The following CD40 variants were observed in gnomAD, a reference collection of about 807,000 sequenced individuals.
CD40 encodes the protein CD40 molecule.
In CD40, 19 loss-of-function variants were observed where a neutral mutation model predicts 38.5. The ratio of observed to expected loss-of-function variants is 0.49; its 90% confidence interval spans 0.34 to 0.72. The LOEUF is 0.72. Ranked by LOEUF, CD40 falls within the 30% of genes least tolerant of loss-of-function variation. The pLI is 0.01. For synonymous variants in CD40, 130 were observed against 128.7 expected, an observed-to-expected ratio of 1.01 and a Z score of -0.07; for missense variants, 256 against 344.1, an observed-to-expected ratio of 0.74 and a Z score of 2.03.
intron 6 of CD40, among the ~76,000 whole-genome samples, chr20:46,127,669 C>T (rs552338521): frequency 9.8e-5 from 15 of 152,306 alleles, no homozygotes; most frequent in Middle Eastern, 3.4e-3. Context: ...AAAAAAAATT[C>T]GGCATGAGAA....
At chr20:46,123,928 A>T (rs906474029) in intron 5 of CD40, among the ~76,000 whole-genome samples, 3 of 152,234 alleles carry the variant, frequency 2.0e-5, no homozygotes, top group Non-Finnish European at 2.9e-5. Context: ...TGCATCGCAT[A>T]GCTTCATGCT....
Position 46,122,195 on chromosome 20 carries a change from T to A in CD40, c.131-38T>A. On this transcript the variant is annotated intron_variant, in intron 2 of 8. Transcript: ENST00000372285. This position sits in a 1 kb window ranked among gnomAD's most constrained non-coding sequence, Gnocchi z 5.0. The stretch of plus-strand genomic sequence containing the variant: ...TGTGGTTAGTGTCTGACTCATGGAG[T>A]TGGCCAGAGCCCTCCCTCATTTCCT... 1 of 1,613,634 alleles carries A rather than the reference T, an allele frequency of 6.2e-7. No homozygotes were observed. The highest frequency in any genetic ancestry group is 8.5e-7 in the Non-Finnish European group (1 of 1,179,590).
chr20:46,125,278 G>T (rs963344934), intron 5 of CD40, among the ~76,000 whole-genome samples: 1 of 151,666 alleles, frequency 6.6e-6, no homozygotes. Context: ...GGGCGTGGTG[G>T]CTCACACCTG....
At position 46,129,112 on chromosome 20, in the gene CD40, G is replaced by A. The variant is rs752657781; in HGVS notation, c.*72G>A. 9 of 1,555,348 alleles carry A rather than the reference G, an allele frequency of 5.8e-6. No individual in the cohort carries two copies. The highest frequency in any genetic ancestry group is 8.0e-6 in the Non-Finnish European group (9 of 1,130,570). On this transcript the variant is annotated 3_prime_UTR_variant, in exon 9 of 9. Transcript: ENST00000372285. ...GGCCAGAGAGCCTGGTGCTGCTGCT[G>A]CTGTGGCGTGAGGGTGAGGGGCTGG...
intron 5 of CD40, among the ~76,000 whole-genome samples, chr20:46,124,586 C>G (rs1001797227): frequency 6.6e-6 from 1 of 151,108 alleles, no homozygotes; most frequent in Non-Finnish European, 1.5e-5. Flanking sequence ...TGTTAACTGT[C>G]TGCCTTTCCC....
At chr20:46,128,477 G>A in intron 8 of CD40, 119 bp downstream of exon 8, 2 of 1,119,594 alleles carry the variant, frequency 1.8e-6, no homozygotes, top group Non-Finnish European at 1.3e-6. Flanking sequence ...TGGGGTGGCA[G>A]CAGAATTGGG....
chr20:46,119,466 T>C (rs1344026772), intron 1 of CD40, among the ~76,000 whole-genome samples: 1 of 151,636 alleles, frequency 6.6e-6, no homozygotes, highest in East Asian at 1.9e-4. Flanking sequence ...AGGGCGGAGC[T>C]GGAAAGAGGT....
chr20:46,122,625 T>C lies in CD40; in HGVS notation c.272T>C (p.Val91Ala), dbSNP rs750063104. 1.9e-6 allele frequency: 3 copies of C among 1,613,816 alleles called. No homozygotes were observed. In the South Asian group the frequency reaches 3.3e-5, roughly 18 times the overall value. The change falls in exon 4 of 9, where the codon GTC becomes GCC. Residue 91 changes from valine to alanine, a missense_variant. By Grantham distance (64) the Val-to-Ala change is moderately conservative (BLOSUM62 0). Transcript: ENST00000372285. The surrounding 1 kb of genome is among the most constrained non-coding windows in gnomAD (Gnocchi z 5.0). ...KYCDPNLGLR[V>A]QQKGTSETDT... ...CTCTTCTCAGACCTAGGGCTTCGGG[T>C]CCAGCAGAAGGGCACCTCAGAAACA... is the stretch of plus-strand genomic sequence containing the variant.
intron 7 of CD40, 27 bp from the exon 8 acceptor site, chr20:46,128,302 TC>T: frequency 6.6e-7 from 1 of 1,513,496 alleles, no homozygotes; most frequent in Non-Finnish European, 9.0e-7. Flanking sequence ...CAACTCCCCA[TC>T]CTTTTTTTTT....
chr20:46,125,962 C>A (rs1274856669), intron 5 of CD40, among the ~76,000 whole-genome samples: 1 of 152,238 alleles, frequency 6.6e-6, no homozygotes, highest in East Asian at 1.9e-4. Context: ...CTTAGCGGGA[C>A]TGCACTGCTG....
chr20:46,122,372 T>C lies in CD40; in HGVS notation c.256+14T>C, dbSNP rs763562583. 6.2e-7 allele frequency: 1 copy of C among 1,614,142 alleles called. No individual in the cohort carries two copies. The highest frequency in any genetic ancestry group is 1.7e-5 in the Admixed American group (1 of 60,030). ...ACTGCGACCCCAGTGCGTGCGCTGT[T>C]GGGAAAGGGACGCTTGGGAACCGGG... is the stretch of plus-strand genomic sequence containing the variant. On this transcript the variant is annotated intron_variant, in intron 3 of 8. Coordinates refer to ENST00000372285, the MANE Select transcript of CD40 (RefSeq NM_001250.6). This position sits in a 1 kb window ranked among gnomAD's most constrained non-coding sequence, Gnocchi z 5.0.
At chr20:46,123,087 A>G in intron 4 of CD40, 39 bp from the exon 5 acceptor site, 1 of 1,458,734 alleles carries the variant, frequency 6.9e-7, no homozygotes, top group Non-Finnish European at 9.6e-7. Flanking sequence ...CAGGTGGTCC[A>G]CTGTGATGGT....
intron 5 of CD40, among the ~76,000 whole-genome samples, chr20:46,124,115 T>C (rs1477414652): frequency 1.3e-5 from 2 of 151,956 alleles, no homozygotes; most frequent in African/African-American, 4.8e-5. Flanking sequence ...CAGCACAACA[T>C]GGTAAAAACC....
At chr20:46,127,122 C>A (rs1433464350) in intron 6 of CD40, 1 of 189,716 alleles carries the variant, frequency 5.3e-6, no homozygotes, top group Non-Finnish European at 1.1e-5. Context: ...TACCCTAAAG[C>A]TTAAAGTATA....
At chr20:46,126,000 A>C (rs1280989504) in intron 5 of CD40, among the ~76,000 whole-genome samples, 1 of 151,978 alleles carries the variant, frequency 6.6e-6, no homozygotes, top group African/African-American at 2.4e-5. Flanking sequence ...TTTAGGGCCC[A>C]CTCAGGTCAT....
intron 1 of CD40, among the ~76,000 whole-genome samples, chr20:46,118,679 G>A (rs955059050): frequency 6.6e-6 from 1 of 152,190 alleles, no homozygotes; most frequent in African/African-American, 2.4e-5. Flanking sequence ...CTCAGAGGCT[G>A]GCCACACAGA....
At chr20:46,127,619 C>T (rs761564204) in intron 6 of CD40, among the ~76,000 whole-genome samples, 17 of 152,206 alleles carry the variant, frequency 1.1e-4, no homozygotes, top group Non-Finnish European at 2.5e-4. Context: ...CGCTAGTCTC[C>T]GCCCTGCCTT....
At chr20:46,121,472 C>T (rs1175802584) in intron 1 of CD40, among the ~76,000 whole-genome samples, 3 of 152,160 alleles carry the variant, frequency 2.0e-5, no homozygotes, top group African/African-American at 7.2e-5. Flanking sequence ...CAGCCAGCTT[C>T]AGGACTCCAG....
At chr20:46,120,201 T>C (rs911537353) in intron 1 of CD40, among the ~76,000 whole-genome samples, 8 of 152,140 alleles carry the variant, frequency 5.3e-5, no homozygotes, top group African/African-American at 1.9e-4. Context: ...CAGAAACAAA[T>C]GAATGATGAT....
Sources: gnomAD v4.1 joint callset for allele counts (sites outside exome capture counted in the v4.1 genomes callset) on GRCh38, gnomAD v4.1.1 for gene constraint, Gnocchi (gnomAD v3.1) non-coding constraint, MANE v1.5 for transcripts, NCBI Gene and HGNC (gene_info 2026-07-23, HGNC 2026-07-21) for gene names.